PRKN: variants seen among roughly 807,000 people sequenced by gnomAD.
PRKN encodes the protein parkin RBR E3 ubiquitin protein ligase.
A neutral mutation model predicts 59.5 loss-of-function variants in PRKN; 56 were observed. That is an observed-to-expected ratio of 0.94 (90% CI 0.76 to 1.18). PRKN has a LOEUF of 1.18. Among genes scored for constraint, PRKN ranks in the 50% most tolerant of loss-of-function variants. The pLI is 0.00. For synonymous variants in PRKN, 250 were observed against 222.1 expected, an observed-to-expected ratio of 1.13 and a Z score of -1.12; for missense variants, 657 against 596.4, an observed-to-expected ratio of 1.10 and a Z score of -1.06.
chr6:162,459,304 G>C (rs968585907), intron 1 of PRKN, among the ~76,000 whole-genome samples: 1 of 152,036 alleles, frequency 6.6e-6, no homozygotes, highest in Non-Finnish European at 1.5e-5. Flanking sequence ...ACTGAAAACA[G>C]AAGTTATAAA....
intron 6 of PRKN, among the ~76,000 whole-genome samples, chr6:161,865,383 C>A (rs917831805): frequency 6.6e-6 from 1 of 152,132 alleles, no homozygotes; most frequent in Admixed American, 6.6e-5. Flanking sequence ...GCTGCATTAG[C>A]CCCTAACAAG....
chr6:162,227,358 T>TA (rs1285840172), intron 3 of PRKN, among the ~76,000 whole-genome samples: 1 of 152,220 alleles, frequency 6.6e-6, no homozygotes, highest in East Asian at 1.9e-4. Context: ...TGCTTTTCAT[T>TA]ATCTGGAATA....
At chr6:161,836,234 A>G (rs1040010579) in intron 6 of PRKN, among the ~76,000 whole-genome samples, 2 of 151,904 alleles carry the variant, frequency 1.3e-5, no homozygotes, top group African/African-American at 4.8e-5. Flanking sequence ...TTCTCTTTTA[A>G]AATTTCCACA....
At chr6:162,388,529 C>T (rs1405037826) in intron 2 of PRKN, among the ~76,000 whole-genome samples, 1 of 152,138 alleles carries the variant, frequency 6.6e-6, no homozygotes, top group East Asian at 1.9e-4. Context: ...CTAGGAATTT[C>T]CTAACTCAGG....
intron 1 of PRKN, among the ~76,000 whole-genome samples, chr6:162,477,613 C>T (rs1189983922): frequency 1.3e-5 from 2 of 152,170 alleles, no homozygotes; most frequent in East Asian, 1.9e-4. Context: ...CAGTCCTTTA[C>T]GATTCCCTTT....
chr6:161,869,024 C>T (rs1346399065), intron 6 of PRKN, among the ~76,000 whole-genome samples: 1 of 152,166 alleles, frequency 6.6e-6, no homozygotes, highest in Non-Finnish European at 1.5e-5. Flanking sequence ...CTCACTGGAA[C>T]TAAACCACAT....
At chr6:161,671,953 G>A (rs554451593) in intron 7 of PRKN, among the ~76,000 whole-genome samples, 4 of 152,192 alleles carry the variant, frequency 2.6e-5, no homozygotes, top group South Asian at 2.1e-4. Flanking sequence ...GGTAGCCGAC[G>A]CTTCTGGAAA....
chr6:162,277,609 T>TA (rs1272879318), intron 2 of PRKN, among the ~76,000 whole-genome samples: 2 of 151,976 alleles, frequency 1.3e-5, no homozygotes, highest in Non-Finnish European at 2.9e-5. Flanking sequence ...AGTAAATAAA[T>TA]AAACAAACAT....
intron 2 of PRKN, among the ~76,000 whole-genome samples, chr6:162,442,118 C>A (rs1374915159): frequency 6.6e-6 from 1 of 152,172 alleles, no homozygotes. Context: ...TGCCTCAACA[C>A]CATCAGCAGG....
At chr6:162,284,215 CTTTTTTTTTTT>C (rs35609309) in intron 2 of PRKN, among the ~76,000 whole-genome samples, 4 of 75,672 alleles carry the variant, frequency 5.3e-5, no homozygotes, top group Admixed American at 1.9e-4. Flanking sequence ...TTATTTCTTT[CTTTTTTTTTTT>C]TTTTTTTTTT....
chr6:161,463,499 G>T lies in PRKN; in HGVS notation c.1084-76622C>A, dbSNP rs1043839399. ...GGGATCTGGCAGCACTTTTCTGAGG[G>T]CATCAACTACCAAGGTTGGAGGGAT... On this transcript the variant is annotated intron_variant, in intron 9 of 11. Transcript: ENST00000366898. This position sits in a 1 kb window ranked among gnomAD's most constrained non-coding sequence, Gnocchi z 4.8. Among the ~76,000 whole-genome samples, 1 of 152,138 alleles carries T rather than the reference G, an allele frequency of 6.6e-6. No homozygotes were observed.
intron 1 of PRKN, among the ~76,000 whole-genome samples, chr6:162,608,476 A>C (rs141733117): frequency 6.6e-6 from 1 of 152,332 alleles, no homozygotes; most frequent in African/African-American, 2.4e-5. Flanking sequence ...CAGAGATTAC[A>C]AACAAGGTGT....
At chr6:161,991,837 C>T (rs188888145) in intron 5 of PRKN, among the ~76,000 whole-genome samples, 29 of 151,858 alleles carry the variant, frequency 1.9e-4, no homozygotes, top group African/African-American at 6.0e-4. Flanking sequence ...AGTGAAACTC[C>T]GTCTCAAAAA....
At position 162,180,931 on chromosome 6, in the gene PRKN, G is replaced by A. The variant is rs532965071; in HGVS notation, c.534+20200C>T. Among the ~76,000 whole-genome samples the A allele has an allele frequency of 3.3e-5, 5 of 152,294 alleles. No homozygotes were observed. The South Asian group carries it at 1.0e-3, about 32-fold the overall frequency. ...ATGGTAGACACCAAAGAGGACATCA[G>A]GGAACAGGCAAAATCCAAATAACAT... On this transcript the variant is annotated intron_variant, in intron 4 of 11. Transcript: ENST00000366898.
chr6:161,779,421 T>A (rs1340899836), intron 7 of PRKN, among the ~76,000 whole-genome samples: 1 of 129,590 alleles, frequency 7.7e-6, no homozygotes, highest in Non-Finnish European at 1.6e-5. Flanking sequence ...TTCTTTTTTT[T>A]CTCTTTTTCT....
chr6:162,109,550 T>G (rs142088306), intron 4 of PRKN, among the ~76,000 whole-genome samples: 209 of 152,318 alleles, frequency 1.4e-3, no homozygotes, highest in African/African-American at 4.9e-3. Flanking sequence ...AAGCTACAGA[T>G]GAGTAAACAG....
At chr6:162,357,223 T>C (rs1784910854) in intron 2 of PRKN, among the ~76,000 whole-genome samples, 1 of 152,136 alleles carries the variant, frequency 6.6e-6, no homozygotes, top group Non-Finnish European at 1.5e-5. Context: ...ACAAAATATA[T>C]ATCTGATAAA....
intron 6 of PRKN, among the ~76,000 whole-genome samples, chr6:161,861,786 T>C (rs1793914554): frequency 6.6e-6 from 1 of 152,144 alleles, no homozygotes; most frequent in African/African-American, 2.4e-5. Context: ...CTGATAGTAA[T>C]TGAAAAATAT....
intron 4 of PRKN, among the ~76,000 whole-genome samples, chr6:162,182,995 C>T (rs750669345): frequency 4.0e-5 from 6 of 151,736 alleles, no homozygotes; most frequent in Non-Finnish European, 8.8e-5. Context: ...TGCTTTTCTG[C>T]CGATTTGAAG....
Sources: allele counts gnomAD v4.1 joint callset (sites outside exome capture counted in the v4.1 genomes callset), GRCh38; gene constraint gnomAD v4.1.1; non-coding constraint Gnocchi (gnomAD v3.1); transcripts MANE v1.5; gene names NCBI Gene and HGNC (gene_info 2026-07-23, HGNC 2026-07-21).